The following ITIH2 variants were observed in gnomAD, a reference collection of about 807,000 sequenced individuals.
ITIH2 encodes the protein inter-alpha-trypsin inhibitor heavy chain H2.
A neutral mutation model predicts 104.4 loss-of-function variants in ITIH2; 103 were observed. The ratio of observed to expected loss-of-function variants is 0.99; its 90% CI spans 0.84 to 1.16. ITIH2 has a LOEUF of 1.16. Ranked by LOEUF, ITIH2 falls within the 50% of genes most tolerant of loss-of-function variation. The pLI is 0.00. For missense variants in ITIH2, 1,108 were observed against 1,162.4 expected, an observed-to-expected ratio of 0.95 and a Z score of 0.68; for synonymous variants, 436 against 435.4, an observed-to-expected ratio of 1.00 and a Z score of -0.02.
At chr10:7,713,520 C>A in intron 5 of ITIH2, 1 of 440,388 alleles carries the variant, frequency 2.3e-6, no homozygotes, top group Non-Finnish European at 4.0e-6. Flanking sequence ...CACTGTCTTG[C>A]AGGTAGATGG....
chr10:7,705,094 TA>T lies in ITIH2; in HGVS notation c.85-12del. 1 of 1,564,050 alleles carries T rather than the reference TA, an allele frequency of 6.4e-7. No homozygotes were observed. Among genetic ancestry groups the T allele is most frequent in the Non-Finnish European group, 8.7e-7 (1 of 1,152,046 alleles). On this transcript the variant is annotated splice_polypyrimidine_tract_variant and intron_variant, in intron 1 of 20. Transcript: ENST00000358415. ...ATTAAAAAAAAAAAAGTTAAAATCC[TA>T]ATTTTTTTTAAGTTTGTAGACTATG...
chr10:7,707,205 G>C lies in ITIH2; in HGVS notation c.164G>C (p.Ser55Thr). Residue 55 changes from serine to threonine, a missense_variant, in exon 3 of 21, where the codon AGC becomes ACC. By Grantham distance (58) the Ser-to-Thr change is moderately conservative. Transcript: ENST00000358415. ...LVAENRRYQR[S>T]LPGESEEMME... ...TTGTCTAACTTCCTTTCACAGAGAA[G>C]CCTTCCAGGAGAATCGGAAGAAATG... 1 of 1,602,578 alleles carries C rather than the reference G, an allele frequency of 6.2e-7. No homozygotes were observed. Among genetic ancestry groups the C allele is most frequent in the South Asian group, 1.1e-5 (1 of 89,944 alleles).
chr10:7,730,902 T>C (rs1328331963), intron 12 of ITIH2, among the ~76,000 whole-genome samples: 3 of 152,150 alleles, frequency 2.0e-5, no homozygotes, highest in Non-Finnish European at 2.9e-5. Flanking sequence ...AGAGTCTTGC[T>C]TTGTCACCCA....
intron 9 of ITIH2, among the ~76,000 whole-genome samples, chr10:7,725,787 A>G (rs920740510): frequency 3.9e-5 from 6 of 152,238 alleles, no homozygotes; most frequent in Non-Finnish European, 8.8e-5. Context: ...ACTCCCCAGC[A>G]TATAGAAGGT....
At chr10:7,738,867 C>A in intron 16 of ITIH2, 109 bp downstream of exon 16, 1 of 1,090,500 alleles carries the variant, frequency 9.2e-7, no homozygotes, top group Non-Finnish European at 1.3e-6. Context: ...AATCGCAGCA[C>A]TTTGGGAGGC....
At chr10:7,735,933 A>G (rs1214738990) in intron 15 of ITIH2, among the ~76,000 whole-genome samples, 1 of 152,120 alleles carries the variant, frequency 6.6e-6, no homozygotes, top group Non-Finnish European at 1.5e-5. Flanking sequence ...TTGGCCTCCC[A>G]AAGTGCTGGG....
chr10:7,729,047 C>G (rs1834976141), intron 11 of ITIH2, among the ~76,000 whole-genome samples: 1 of 152,186 alleles, frequency 6.6e-6, no homozygotes, highest in East Asian at 1.9e-4. Flanking sequence ...GGCATGGTGG[C>G]TCACACCTGT....
chr10:7,703,565 C>T, intron 1 of ITIH2, 47 bp downstream of exon 1: 1 of 1,160,672 alleles, frequency 8.6e-7, no homozygotes, highest in Non-Finnish European at 1.3e-6. Context: ...TTCATGAGCT[C>T]AGTAAATCAT....
At chr10:7,747,667 A>C (rs1835192656) in intron 20 of ITIH2, among the ~76,000 whole-genome samples, 1 of 152,126 alleles carries the variant, frequency 6.6e-6, no homozygotes, top group East Asian at 1.9e-4. Context: ...TGGGAGGATC[A>C]CCTGAGACCA....
intron 7 of ITIH2, among the ~76,000 whole-genome samples, chr10:7,721,405 G>C (rs1329609211): frequency 6.6e-6 from 1 of 152,228 alleles, no homozygotes; most frequent in Non-Finnish European, 1.5e-5. Context: ...TTCTACAGGG[G>C]ATGAAGGAAA....
intron 15 of ITIH2, among the ~76,000 whole-genome samples, chr10:7,737,662 ATAT>A (rs1294742451): frequency 1.2e-4 from 4 of 34,186 alleles, no homozygotes; most frequent in African/African-American, 2.0e-4. Context: ...ATTATATTCT[ATAT>A]TATATTCTAT....
intron 14 of ITIH2, among the ~76,000 whole-genome samples, chr10:7,734,681 C>T (rs191801343): frequency 1.6e-4 from 25 of 152,156 alleles, no homozygotes; most frequent in African/African-American, 2.2e-4. Context: ...GGCAACAGGG[C>T]GAGACCTTGT....
intron 17 of ITIH2, among the ~76,000 whole-genome samples, 153 bp downstream of exon 17, chr10:7,743,412 T>C (rs1208575191): frequency 6.6e-6 from 1 of 152,210 alleles, no homozygotes; most frequent in Non-Finnish European, 1.5e-5. Flanking sequence ...TTCTTAACTA[T>C]TTTGAACCAT....
At chr10:7,720,827 C>A in intron 6 of ITIH2, 29 bp from the exon 7 acceptor site, 1 of 1,340,524 alleles carries the variant, frequency 7.5e-7, no homozygotes, top group African/African-American at 1.4e-5. Context: ...ACTTTTAATG[C>A]TTTGGGTAAT....
At chr10:7,710,698 G>T (rs1242045281) in intron 4 of ITIH2, among the ~76,000 whole-genome samples, 1 of 152,152 alleles carries the variant, frequency 6.6e-6, no homozygotes, top group Non-Finnish European at 1.5e-5. Flanking sequence ...GCAGAAAAAG[G>T]CATTGTGTCA....
intron 5 of ITIH2, 44 bp downstream of exon 5, chr10:7,713,329 G>T (rs190843528): frequency 6.1e-6 from 9 of 1,465,050 alleles, no homozygotes; most frequent in Non-Finnish European, 8.6e-6. Context: ...TCTCAATGAC[G>T]GTTTCCTCTC....
intron 16 of ITIH2, among the ~76,000 whole-genome samples, chr10:7,742,210 T>A (rs1835130909): frequency 2.0e-5 from 3 of 151,854 alleles, no homozygotes; most frequent in Admixed American, 6.6e-5. Context: ...CTTCACCAAG[T>A]ATTTGTTGAA....
In ITIH2 at chr10:7,711,336, T is replaced by C. The variant is rs1483894338; in HGVS notation, c.363-1845T>C. ...GTTCTTTCTTTACTATCTCATTACA[T>C]AGAAGATTTGAAGTACAAAGGACAG... On this transcript the variant is annotated intron_variant, in intron 4 of 20. Transcript: ENST00000358415. Among the ~76,000 whole-genome samples the C allele has an allele frequency of 2.6e-5, 4 of 152,180 alleles. No individual in the cohort carries two copies. In the East Asian group the frequency reaches 7.7e-4, roughly 29 times the overall value.
intron 1 of ITIH2, among the ~76,000 whole-genome samples, 161 bp from the exon 2 acceptor site, chr10:7,704,947 G>T (rs1204703408): frequency 2.0e-5 from 3 of 152,050 alleles, no homozygotes; most frequent in Middle Eastern, 3.2e-3. Flanking sequence ...GGGAGGGATA[G>T]CATTAGGAGA....
Sources: allele counts gnomAD v4.1 joint callset (sites outside exome capture counted in the v4.1 genomes callset), GRCh38; gene constraint gnomAD v4.1.1; transcripts MANE v1.5; gene names NCBI Gene and HGNC (gene_info 2026-07-23, HGNC 2026-07-21).